SMKR1: variants seen among roughly 807,000 people sequenced by gnomAD.
SMKR1 encodes the protein small lysine rich protein 1, also known as small lysine-rich protein 1.
A neutral mutation model predicts 4.0 loss-of-function variants in SMKR1; 4 were observed. That is an observed-to-expected ratio of 1.00 (90% CI 0.49 to 2.30). SMKR1 has a LOEUF of 2.30. Among genes scored for constraint, SMKR1 ranks in the 30% most tolerant of loss-of-function variants. The probability of loss-of-function intolerance (pLI) is 0.02; values close to 1 mark genes in which losing one functional copy is unlikely to be tolerated. For missense variants in SMKR1, 56 were observed against 81.8 expected, an observed-to-expected ratio of 0.68 and a Z score of 1.22; for synonymous variants, 38 against 32.5, an observed-to-expected ratio of 1.17 and a Z score of -0.58.
chr7:129,504,529 T>C (rs760036875), intron 1 of SMKR1, among the ~76,000 whole-genome samples: 3 of 144,674 alleles, frequency 2.1e-5, no homozygotes, highest in Non-Finnish European at 4.5e-5. Flanking sequence ...CATTATAGGG[T>C]CTTTCTTTAT....
At chr7:129,502,890 C>T in intron 1 of SMKR1, 63 bp downstream of exon 1, 1 of 1,531,536 alleles carries the variant, frequency 6.5e-7, no homozygotes, top group Non-Finnish European at 8.7e-7. Context: ...CCAGGCTGTC[C>T]CGGAGAGGCG....
chr7:129,512,452 C>T lies in SMKR1; in HGVS notation c.*11C>T, dbSNP rs928303958. 2 of 1,530,706 alleles carry T rather than the reference C, an allele frequency of 1.3e-6. No homozygotes were observed. Among genetic ancestry groups the T allele is most frequent in the Non-Finnish European group, 8.7e-7 (1 of 1,145,122 alleles). 94.8% of individuals were successfully genotyped at this position (1,530,706 alleles called of 1,614,324 possible). ...GGGAGAAGCAAGTGACAGCATTTCA[C>T]AACACATCTCTGTTACAGACAACAG... On this transcript the variant is annotated 3_prime_UTR_variant, in exon 2 of 2. Transcript: ENST00000462322.
chr7:129,508,260 A>G (rs933761639), intron 1 of SMKR1, among the ~76,000 whole-genome samples: 1 of 152,182 alleles, frequency 6.6e-6, no homozygotes, highest in African/African-American at 2.4e-5. Flanking sequence ...GAACAAGATT[A>G]TCTTTGCTTC....
chr7:129,512,391 G>A lies in SMKR1; in HGVS notation c.148G>A (p.Gly50Ser). ...HNVADCLHLR[G>S]FHWPGAPKGK... ...CGTCGCTGACTGCCTGCATCTGCGA[G>A]GCTTCCATTGGCCGGGTGCTCCCAA... Residue 50 changes from glycine to serine, a missense_variant, in exon 2 of 2, where the codon GGC becomes AGC. Physicochemically the swap from Gly to Ser is moderately conservative, Grantham distance 56 (BLOSUM62 0). Transcript: ENST00000462322. 6.5e-7 allele frequency: 1 copy of A among 1,535,922 alleles called. No homozygotes were observed. Among genetic ancestry groups the A allele is most frequent in the Non-Finnish European group, 8.7e-7 (1 of 1,146,852 alleles).
intron 1 of SMKR1, among the ~76,000 whole-genome samples, chr7:129,504,057 G>A (rs1395786460): frequency 6.6e-6 from 1 of 151,942 alleles, no homozygotes; most frequent in African/African-American, 2.4e-5. Flanking sequence ...CAAACGCCTG[G>A]GCTCAAGGGA....
chr7:129,507,903 T>A (rs1799486362), intron 1 of SMKR1, among the ~76,000 whole-genome samples: 1 of 152,146 alleles, frequency 6.6e-6, no homozygotes, highest in African/African-American at 2.4e-5. Context: ...TTGTTCTCCA[T>A]ATAGGCCTTT....
intron 1 of SMKR1, among the ~76,000 whole-genome samples, chr7:129,511,437 A>C (rs1799525729): frequency 6.6e-6 from 1 of 152,176 alleles, no homozygotes. Flanking sequence ...TACAGATTTC[A>C]GTGTGCACTT....
At chr7:129,509,966 G>C (rs190219704) in intron 1 of SMKR1, among the ~76,000 whole-genome samples, 1 of 152,120 alleles carries the variant, frequency 6.6e-6, no homozygotes. Flanking sequence ...GTCCTTGAAC[G>C]TTTATACCTT....
Position 129,512,307 on chromosome 7 carries a change from C to T in SMKR1, c.64C>T (p.Pro22Ser). ...GKSHGKKQKKPEVDILSPAAM... is the reference protein window; with the variant it reads ...GKSHGKKQKKSEVDILSPAAM... ...GTCTCATGGGAAGAAACAGAAGAAA[C>T]CAGAAGTGGACATTCTCAGCCCCGC... Residue 22 changes from proline to serine, a missense_variant, in exon 2 of 2, where the codon CCA (proline) becomes TCA (serine). Pro to Ser is a moderately conservative substitution (Grantham distance 74). Transcript: ENST00000462322. 1 of 1,535,542 alleles carries T rather than the reference C, an allele frequency of 6.5e-7. No individual in the cohort carries two copies. Among genetic ancestry groups the T allele is most frequent in the Non-Finnish European group, 8.7e-7 (1 of 1,146,700 alleles).
Position 129,502,565 on chromosome 7 carries a change from TAGGTGCCGCGTGGGGCAAGC to T in SMKR1, c.-252_-233del. 2.6e-6 allele frequency: 1 copy of T among 385,198 alleles called. No homozygotes were observed. Among genetic ancestry groups the T allele is most frequent in the Non-Finnish European group, 4.5e-6 (1 of 220,540 alleles). The allele number at this position is 385,198 out of a possible 1,614,324, so 23.9% of individuals were successfully genotyped here. On this transcript the variant is annotated 5_prime_UTR_variant, in exon 1 of 2. Transcript: ENST00000462322. ...CCCAGCGCCCACAGCTGCGGCGGCC[TAGGTGCCGCGTGGGGCAAGC>T]AGGTGCCTCGCGTCCAGGCGGCTCC... is the stretch of plus-strand genomic sequence containing the variant.
At position 129,502,550 on chromosome 7, in the gene SMKR1, A is replaced by G. The variant is rs976586647; in HGVS notation, c.-275A>G. On this transcript the variant is annotated 5_prime_UTR_variant, in exon 1 of 2. Transcript: ENST00000462322. Reference sequence around the variant, plus strand: ...CGAGGCGCACGCCGGCCCAGCGCCCACAGCTGCGGCGGCCTAGGTGCCGCG... The same window carrying G: ...CGAGGCGCACGCCGGCCCAGCGCCCGCAGCTGCGGCGGCCTAGGTGCCGCG... 4.1e-5 allele frequency: 14 copies of G among 340,000 alleles called. No individual in the cohort carries two copies. The highest frequency in any genetic ancestry group is 6.8e-5 in the Non-Finnish European group (13 of 191,224). 21.1% of individuals were successfully genotyped at this position (340,000 alleles called of 1,614,324 possible). A position where few individuals can be genotyped will look rare whatever the true frequency, so the allele number is the denominator to read the frequency against.
chr7:129,504,326 C>T (rs773413844), intron 1 of SMKR1, among the ~76,000 whole-genome samples: 3 of 152,220 alleles, frequency 2.0e-5, no homozygotes, highest in African/African-American at 4.8e-5. Context: ...TGTGGGCTGG[C>T]CATGTTGGCC....
At chr7:129,508,278 C>T (rs138983295) in intron 1 of SMKR1, among the ~76,000 whole-genome samples, 21 of 151,912 alleles carry the variant, frequency 1.4e-4, no homozygotes, top group Non-Finnish European at 2.8e-4. Context: ...TTCACCAATA[C>T]CTTTGTTGAA....
chr7:129,512,084 C>A (rs757736147), intron 1 of SMKR1, among the ~76,000 whole-genome samples, 163 bp from the exon 2 acceptor site: 1 of 151,770 alleles, frequency 6.6e-6, no homozygotes, highest in African/African-American at 2.4e-5. Context: ...CTTGGGAGGC[C>A]GAGGCAGGAG....
Position 129,502,829 on chromosome 7 carries a change from T to C in SMKR1, c.3+2T>C. On this transcript the variant is annotated splice_donor_variant, in intron 1 of 1. Coordinates refer to ENST00000462322, the MANE Select transcript of SMKR1 (RefSeq NM_001195243.2). LOFTEE classifies it high-confidence loss of function. ...CCTGCTCGGCTGAGAATCGCCATGG[T>C]AATCCCCGTCTCCCTAAAGTACCCG... is the stretch of plus-strand genomic sequence containing the variant. 1 of 1,534,886 alleles carries C rather than the reference T, an allele frequency of 6.5e-7. No individual in the cohort carries two copies. Among genetic ancestry groups the C allele is most frequent in the Non-Finnish European group, 8.7e-7 (1 of 1,146,542 alleles).
intron 1 of SMKR1, among the ~76,000 whole-genome samples, chr7:129,505,060 A>G (rs1799451162): frequency 1.3e-5 from 2 of 152,272 alleles, no homozygotes; most frequent in Non-Finnish European, 2.9e-5. Context: ...GCAGAAATCC[A>G]CATTTGCTTT....
chr7:129,508,314 T>C (rs1799490471), intron 1 of SMKR1, among the ~76,000 whole-genome samples: 1 of 152,252 alleles, frequency 6.6e-6, no homozygotes, highest in Admixed American at 6.5e-5. Flanking sequence ...TGTGGATCTA[T>C]TTCTGGACTC....
intron 1 of SMKR1, among the ~76,000 whole-genome samples, chr7:129,507,295 G>A (rs573186584): frequency 4.5e-4 from 68 of 152,118 alleles, no homozygotes; most frequent in African/African-American, 1.5e-3. Flanking sequence ...GATTATAGGC[G>A]TGAGCCACTG....
Position 129,512,452 on chromosome 7 carries a change from C to CA in SMKR1, c.*13dup, listed in dbSNP as rs1253491853. The CA allele has an allele frequency of 6.5e-7, 1 of 1,530,706 alleles. No homozygotes were observed. Among genetic ancestry groups the CA allele is most frequent in the African/African-American group, 1.4e-5 (1 of 72,816 alleles). The allele number at this position is 1,530,706 out of a possible 1,614,324, so 94.8% of individuals were successfully genotyped here. A position where few individuals can be genotyped will look rare whatever the true frequency, so the allele number is the denominator to read the frequency against. On this transcript the variant is annotated 3_prime_UTR_variant, in exon 2 of 2. Coordinates refer to ENST00000462322, the MANE Select transcript of SMKR1 (RefSeq NM_001195243.2). ...GGGAGAAGCAAGTGACAGCATTTCACAACACATCTCTGTTACAGACAACAG... is the reference window on the plus strand; with the variant it reads ...GGGAGAAGCAAGTGACAGCATTTCACAAACACATCTCTGTTACAGACAACAG...
Sources: gnomAD v4.1 joint callset for allele counts (sites outside exome capture counted in the v4.1 genomes callset) on GRCh38, gnomAD v4.1.1 for gene constraint, MANE v1.5 for transcripts, NCBI Gene and HGNC (gene_info 2026-07-23, HGNC 2026-07-21) for gene names.